EPN3: variants seen among roughly 807,000 people sequenced by gnomAD.
EPN3 encodes epsin 3.
In EPN3, 56 loss-of-function variants were observed where a neutral mutation model predicts 55.5. The ratio of observed to expected loss-of-function variants is 1.01; its 90% CI spans 0.81 to 1.26. EPN3 has a LOEUF of 1.26. EPN3 is among the 50% of genes most tolerant of loss of function. EPN3 has a pLI of 0.00. For missense variants in EPN3, 927 were observed against 853.4 expected, an observed-to-expected ratio of 1.09 and a Z score of -1.07; for synonymous variants, 449 against 375.2, an observed-to-expected ratio of 1.20 and a Z score of -2.27.
At chr17:50,536,024 T>G (rs2034754890) in intron 1 of EPN3, 1 of 156,258 alleles carries the variant, frequency 6.4e-6, no homozygotes, top group African/African-American at 2.4e-5. Flanking sequence ...CACTTAATAT[T>G]ACAGGGTCTC....
rs746753867 is a variant in EPN3 at position 50,540,317 on chromosome 17, A to C, written c.962A>C (p.Asp321Ala). ...LAPPSTHCSADPWDIPGFRPN... is the reference protein window; with the variant it reads ...LAPPSTHCSAAPWDIPGFRPN... The stretch of plus-strand genomic sequence containing the variant: ...CCGCCCTCCACACACTGCTCTGCTG[A>C]CCCATGGGACATCCCAGGTGGGCAT... Residue 321 changes from aspartate to alanine, a missense_variant, in exon 6 of 10, where the codon GAC becomes GCC. Transcript: ENST00000268933. 1 of 1,611,664 alleles carries C rather than the reference A, an allele frequency of 6.2e-7. No individual in the cohort carries two copies. The highest frequency in any genetic ancestry group is 1.1e-5 in the South Asian group (1 of 91,040).
intron 1 of EPN3, 111 bp from the exon 2 acceptor site, chr17:50,536,310 G>A: frequency 1.2e-6 from 1 of 814,616 alleles, no homozygotes; most frequent in Non-Finnish European, 1.8e-6. Flanking sequence ...GCCGCTGAAG[G>A]CTGTCCCTGG....
Position 50,542,099 on chromosome 17 carries a change from C to G in EPN3, c.1841C>G (p.Pro614Arg), listed in dbSNP as rs750646521. ...AFAPQPLLPT[P>R]SSAGPRPPPP... Reference sequence around the variant, plus strand: ...GCACCGCAGCCGCTGCTGCCCACGCCGAGCTCAGCCGGGCCGCGGCCCCCG... The same window carrying G: ...GCACCGCAGCCGCTGCTGCCCACGCGGAGCTCAGCCGGGCCGCGGCCCCCG... Residue 614 changes from proline (P) to arginine (R), a missense_variant, in exon 10 of 10, where the codon CCG (proline) becomes CGG (arginine). Pro to Arg is a moderately radical substitution (Grantham distance 103, BLOSUM62 -2). Transcript: ENST00000268933. The G allele has an allele frequency of 3.9e-6, 6 of 1,556,726 alleles. No individual in the cohort carries two copies. Among genetic ancestry groups the G allele is most frequent in the African/African-American group, 1.4e-5 (1 of 71,354 alleles).
chr17:50,540,834 C>A lies in EPN3; in HGVS notation c.1021C>A (p.Pro341Thr). 6.2e-7 allele frequency: 1 copy of A among 1,613,806 alleles called. No homozygotes were observed. Residue 341 changes from proline to threonine, a missense_variant, in exon 7 of 10, where the codon CCT (proline) becomes ACT (threonine). By Grantham distance (38) the Pro-to-Thr change is conservative (BLOSUM62 -1). Transcript: ENST00000268933. ...NTEASGSSWGPSADPWSPIPS... is the reference protein window; with the variant it reads ...NTEASGSSWGTSADPWSPIPS... ...AGAGGCCAGTGGATCCTCCTGGGGG[C>A]CTTCTGCAGACCCCTGGTCTCCGAT...
rs531430745 is a variant in EPN3, at chr17:50,536,859, C to T, written c.303C>T (p.Tyr101=). 1.2e-6 allele frequency: 2 copies of T among 1,614,168 alleles called. No homozygotes were observed. Among genetic ancestry groups the T allele is most frequent in the South Asian group, 2.2e-5 (2 of 91,082 alleles). The change falls in exon 2 of 10, where the codon TAC becomes TAT. Residue 101 remains tyrosine, a synonymous_variant. Coordinates refer to ENST00000268933, the MANE Select transcript of EPN3 (RefSeq NM_017957.3). The stretch of plus-strand genomic sequence containing the variant: ...CCCACCAGTGCCGCGAGAACCTCTA[C>T]ACCATCCAGACACTCAAGGACTTCC... ...RVAHQCRENL[Y]TIQTLKDFQY... is the part of the protein sequence containing the mutation.
At chr17:50,533,179 C>T (rs1261648909) in intron 1 of EPN3, among the ~76,000 whole-genome samples, 194 bp downstream of exon 1, 2 of 152,206 alleles carry the variant, frequency 1.3e-5, no homozygotes, top group African/African-American at 4.8e-5. Context: ...TCAGGGCCCC[C>T]TCCCCAACCA....
rs1597859499 is a variant in EPN3, at chr17:50,535,538, CCT to C, written c.-136-882_-136-881del. Reference sequence around the variant, plus strand: ...TAGCATTTCTTCTGAGCCGCCCTCCCCTGACTTGCTGGTTCACTCCTCCTTAC... The same window carrying C: ...TAGCATTTCTTCTGAGCCGCCCTCCCGACTTGCTGGTTCACTCCTCCTTAC... On this transcript the variant is annotated intron_variant, in intron 1 of 9. Coordinates refer to ENST00000268933, the MANE Select transcript of EPN3 (RefSeq NM_017957.3). Among the ~76,000 whole-genome samples, 3 of 152,148 alleles carry C rather than the reference CCT, an allele frequency of 2.0e-5. No individual in the cohort carries two copies. In the South Asian group the frequency reaches 6.2e-4, roughly 31 times the overall value.
At position 50,536,507 on chromosome 17, in the gene EPN3, C is replaced by A; in HGVS notation, c.-50C>A. The A allele has an allele frequency of 6.2e-7, 1 of 1,610,386 alleles. No homozygotes were observed. The highest frequency in any genetic ancestry group is 1.3e-5 in the African/African-American group (1 of 75,000). ...GTGACCTCGCCACAGTGGCCCTCAGCCCTCCACCTCCGGCGGGGGCGAGGG... is the reference window on the plus strand; with the variant it reads ...GTGACCTCGCCACAGTGGCCCTCAGACCTCCACCTCCGGCGGGGGCGAGGG... On this transcript the variant is annotated 5_prime_UTR_variant, in exon 2 of 10. Coordinates refer to ENST00000268933, the MANE Select transcript of EPN3 (RefSeq NM_017957.3).
rs886771888 is a variant in EPN3, at chr17:50,532,907, T to C, written c.-215T>C. The C allele has an allele frequency of 5.4e-6, 7 of 1,284,764 alleles. No homozygotes were observed. The highest frequency in any genetic ancestry group is 7.1e-6 in the Non-Finnish European group (7 of 987,046). 79.6% of individuals were successfully genotyped at this position (1,284,764 alleles called of 1,614,324 possible). On this transcript the variant is annotated 5_prime_UTR_variant, in exon 1 of 10. Coordinates refer to ENST00000268933, the MANE Select transcript of EPN3 (RefSeq NM_017957.3). Reference sequence around the variant, plus strand: ...TGGAGACGCTCCCGAGGCTGTGCCGTCCCGCTGCTGCACAGGTCGGAGGGT... The same window carrying C: ...TGGAGACGCTCCCGAGGCTGTGCCGCCCCGCTGCTGCACAGGTCGGAGGGT...
At chr17:50,538,993 GTGCTGC>G in intron 4 of EPN3, 29 bp downstream of exon 4, 1 of 1,573,138 alleles carries the variant, frequency 6.4e-7, no homozygotes, top group Non-Finnish European at 8.6e-7. Context: ...TGGGCTGCCG[GTGCTGC>G]TGCTGCTGCT....
Position 50,536,958 on chromosome 17 carries a change from C to T in EPN3, c.402C>T (p.Leu134=), listed in dbSNP as rs1229871665. 2 of 1,613,940 alleles carry T rather than the reference C, an allele frequency of 1.2e-6. No homozygotes were observed. The highest frequency in any genetic ancestry group is 8.5e-7 in the Non-Finnish European group (1 of 1,180,044). Residue 134 remains leucine (L), a synonymous_variant, in exon 2 of 10, where the codon CTC becomes CTT. Transcript: ENST00000268933. ...REKVKQVMAL[L]KDEERLRQER... is the part of the protein sequence containing the mutation. ...AGGTCAAGCAGGTGATGGCCCTGCT[C>T]AAGGATGAGGAGCGGCTGCGGCAGG...
In EPN3 at chr17:50,540,832, G is replaced by A; in HGVS notation, c.1019G>A (p.Gly340Glu). The change falls in exon 7 of 10, where the codon GGG (glycine) becomes GAG (glutamate). Residue 340 changes from glycine to glutamate, a missense_variant. Physicochemically the swap from Gly to Glu is moderately conservative, Grantham distance 98. Transcript: ENST00000268933. ...PNTEASGSSWGPSADPWSPIP... is the reference protein window; with the variant it reads ...PNTEASGSSWEPSADPWSPIP... ...ACAGAGGCCAGTGGATCCTCCTGGG[G>A]GCCTTCTGCAGACCCCTGGTCTCCG... 1.2e-6 allele frequency: 2 copies of A among 1,613,862 alleles called. No individual in the cohort carries two copies. The highest frequency in any genetic ancestry group is 1.7e-6 in the Non-Finnish European group (2 of 1,179,862).
intron 1 of EPN3, chr17:50,534,650 A>C: frequency 1.0e-6 from 1 of 985,328 alleles, no homozygotes; most frequent in Non-Finnish European, 1.2e-6. Flanking sequence ...TAGCAGACAA[A>C]AGGTAGGCTG....
In EPN3 at chr17:50,537,064, C is replaced by T. The variant is rs146173668; in HGVS notation, c.508C>T (p.Arg170Cys). 129 of 1,611,842 alleles carry T rather than the reference C, an allele frequency of 8.0e-5. 1 individual carries two copies. The Middle Eastern group carries it at 1.0e-3, about 13-fold the overall frequency. Residue 170 changes from arginine (R) to cysteine (C), a missense_variant, in exon 2 of 10, where the codon CGC becomes TGC. Coordinates refer to ENST00000268933, the MANE Select transcript of EPN3 (RefSeq NM_017957.3). ...TGGCAGTGGGCAGCTGGGCTTCAGC[C>T]GCCGCTACGGCGAGGACTACAGCCG... ...GIGSGQLGFS[R>C]RYGEDYSRSR...
chr17:50,534,583 CA>C (rs2034731098), intron 1 of EPN3: 1 of 985,292 alleles, frequency 1.0e-6, no homozygotes, highest in African/African-American at 1.7e-5. Context: ...AGGAGTTAAA[CA>C]AGTTGTGGCC....
chr17:50,537,551 A>G, intron 2 of EPN3: 1 of 208,898 alleles, frequency 4.8e-6, no homozygotes, highest in Non-Finnish European at 9.6e-6. Flanking sequence ...CCCTGCACCC[A>G]GACACATGGC....
At position 50,536,583 on chromosome 17, in the gene EPN3, G is replaced by A. The variant is rs1341316538; in HGVS notation, c.27G>A (p.Gln9=). Residue 9 remains glutamine (Q), a synonymous_variant, in exon 2 of 10, where the codon CAG becomes CAA. Transcript: ENST00000268933. ...TGACGACCTCCGCACTCCGGCGCCA[G>A]GTGAAGAACATCGTGCACAACTACT... is the stretch of plus-strand genomic sequence containing the variant. MTTSALRR[Q]VKNIVHNYSE... 2.5e-6 allele frequency: 4 copies of A among 1,613,878 alleles called. No homozygotes were observed. The African/African-American group carries it at 4.0e-5, about 16-fold the overall frequency.
At chr17:50,539,406 T>C (rs1402825577) in intron 5 of EPN3, 91 bp downstream of exon 5, 1 of 1,562,862 alleles carries the variant, frequency 6.4e-7, no homozygotes, top group Non-Finnish European at 8.7e-7. Context: ...GCCTGGCATA[T>C]AGTAAGCACT....
Position 50,536,750 on chromosome 17 carries a change from A to T in EPN3, c.194A>T (p.Asn65Ile), listed in dbSNP as rs772223287. The part of the protein sequence containing the change: ...EVMGMLWRRL[N>I]DSGKNWRHVY... ...ATGGGCATGCTGTGGCGGCGGCTCA[A>T]TGACAGCGGCAAGAACTGGCGGCAC... is the stretch of plus-strand genomic sequence containing the variant. The change falls in exon 2 of 10, where the codon AAT (asparagine) becomes ATT (isoleucine). Residue 65 changes from asparagine to isoleucine, a missense_variant. Physicochemically the swap from Asn to Ile is moderately radical, Grantham distance 149. Transcript: ENST00000268933. 3.1e-6 allele frequency: 5 copies of T among 1,614,146 alleles called. No individual in the cohort carries two copies. The South Asian group carries it at 5.5e-5, about 18-fold the overall frequency.
Sources: gnomAD v4.1 joint callset for allele counts (sites outside exome capture counted in the v4.1 genomes callset) on GRCh38, gnomAD v4.1.1 for gene constraint, MANE v1.5 for transcripts, NCBI Gene and HGNC (gene_info 2026-07-23, HGNC 2026-07-21) for gene names.